Variants in GRM3 observed in about 807,000 individuals in gnomAD.
GRM3 encodes the protein glutamate metabotropic receptor 3, also known as metabotropic glutamate receptor 3.
GRM3 carries 26 observed loss-of-function variants against 70.5 expected under a neutral mutation model. That is an observed-to-expected ratio of 0.37 (90% CI 0.27 to 0.51). The LOEUF (loss-of-function observed/expected upper bound fraction) is 0.51, where lower values mean the gene tolerates loss of function less well. Ranked by LOEUF, GRM3 falls within the 20% of genes least tolerant of loss-of-function variation. GRM3 has a pLI of 0.93. For synonymous variants in GRM3, 443 were observed against 434.9 expected, an observed-to-expected ratio of 1.02 and a Z score of -0.23; for missense variants, 859 against 1,123.8, an observed-to-expected ratio of 0.76 and a Z score of 3.37.
chr7:86,707,497 G>T (rs1795086742), intron 1 of GRM3, among the ~76,000 whole-genome samples: 1 of 151,976 alleles, frequency 6.6e-6, no homozygotes, highest in Admixed American at 6.6e-5. Context: ...TCTACTCCTG[G>T]CTCTGGGACC....
intron 3 of GRM3, among the ~76,000 whole-genome samples, chr7:86,810,614 G>A (rs545929814): frequency 6.6e-6 from 1 of 151,956 alleles, no homozygotes; most frequent in East Asian, 1.9e-4. Flanking sequence ...GCTTTGCATA[G>A]AGGTAACTCC....
At chr7:86,807,696 G>A (rs184238588) in intron 3 of GRM3, among the ~76,000 whole-genome samples, 2 of 152,158 alleles carry the variant, frequency 1.3e-5, no homozygotes, top group Admixed American at 6.5e-5. Context: ...TGCAAACAGG[G>A]ACAATTTGAC....
At chr7:86,859,084 T>A (rs1798905907) in intron 5 of GRM3, among the ~76,000 whole-genome samples, 1 of 152,108 alleles carries the variant, frequency 6.6e-6, no homozygotes, top group African/African-American at 2.4e-5. Context: ...TCGGCTCAAG[T>A]CATCCTGCGA....
intron 5 of GRM3, among the ~76,000 whole-genome samples, chr7:86,861,608 A>G (rs1180872213): frequency 6.6e-6 from 1 of 152,200 alleles, no homozygotes. Flanking sequence ...ATCAGAGGGA[A>G]GAACATTCCT....
intron 3 of GRM3, among the ~76,000 whole-genome samples, chr7:86,787,385 C>A (rs1797282987): frequency 6.6e-6 from 1 of 152,158 alleles, no homozygotes; most frequent in South Asian, 2.1e-4. Context: ...TAGATTAGGG[C>A]CAGGCTAGAT....
chr7:86,858,052 G>T (rs531269262), intron 5 of GRM3, among the ~76,000 whole-genome samples: 2 of 151,992 alleles, frequency 1.3e-5, no homozygotes, highest in Non-Finnish European at 2.9e-5. Context: ...TGCTTCCTGG[G>T]TTTACACCAT....
At chr7:86,739,480 T>C (rs143900992) in intron 1 of GRM3, among the ~76,000 whole-genome samples, 2 of 152,300 alleles carry the variant, frequency 1.3e-5, no homozygotes, top group Admixed American at 1.3e-4. Context: ...TAAAAACTTG[T>C]TACTTTTGGA....
chr7:86,654,315 C>T (rs1407349309), intron 1 of GRM3, among the ~76,000 whole-genome samples: 1 of 152,188 alleles, frequency 6.6e-6, no homozygotes, highest in Non-Finnish European at 1.5e-5. Context: ...AAACAGAGCA[C>T]ACCCCCACTC....
intron 1 of GRM3, among the ~76,000 whole-genome samples, chr7:86,674,603 T>G (rs1395942208): frequency 6.6e-6 from 1 of 152,144 alleles, no homozygotes; most frequent in Non-Finnish European, 1.5e-5. Context: ...ATAAATCTAT[T>G]AATGTCATAT....
At chr7:86,816,910 A>ATCT in intron 3 of GRM3, among the ~76,000 whole-genome samples, 1 of 150,260 alleles carries the variant, frequency 6.7e-6, no homozygotes, top group African/African-American at 2.5e-5. Flanking sequence ...AACTGACAGG[A>ATCT]AATAGATTAA....
intron 1 of GRM3, among the ~76,000 whole-genome samples, chr7:86,681,598 T>C (rs1485163879): frequency 2.6e-5 from 4 of 152,110 alleles, no homozygotes; most frequent in Non-Finnish European, 5.9e-5. Flanking sequence ...GTGGAATTCA[T>C]GCCAACAGCA....
chr7:86,706,405 G>A (rs1212785033), intron 1 of GRM3, among the ~76,000 whole-genome samples: 2 of 152,026 alleles, frequency 1.3e-5, no homozygotes, highest in African/African-American at 4.8e-5. Flanking sequence ...AGAACAGAGA[G>A]GATAGACACA....
intron 3 of GRM3, among the ~76,000 whole-genome samples, chr7:86,788,376 A>G (rs918464590): frequency 6.6e-6 from 1 of 152,294 alleles, no homozygotes. Context: ...AAAAATCACC[A>G]CACTGCATGT....
At chr7:86,857,249 T>A (rs371574944) in intron 5 of GRM3, among the ~76,000 whole-genome samples, 1 of 151,972 alleles carries the variant, frequency 6.6e-6, no homozygotes, top group Non-Finnish European at 1.5e-5. Context: ...TGGAGTCCCA[T>A]AATGACACTA....
chr7:86,757,580 G>A (rs1229259503), intron 1 of GRM3, among the ~76,000 whole-genome samples: 2 of 152,120 alleles, frequency 1.3e-5, no homozygotes, highest in Non-Finnish European at 2.9e-5. Flanking sequence ...CTCACCCTGT[G>A]GATGACCACT....
At chr7:86,673,445 A>G (rs1794224124) in intron 1 of GRM3, among the ~76,000 whole-genome samples, 2 of 151,994 alleles carry the variant, frequency 1.3e-5, no homozygotes, top group Admixed American at 6.6e-5. Context: ...TTTCCTATCT[A>G]ATGCCTAAAA....
intron 1 of GRM3, among the ~76,000 whole-genome samples, chr7:86,669,325 C>T: frequency 6.6e-6 from 1 of 152,162 alleles, no homozygotes; most frequent in East Asian, 1.9e-4. Context: ...AGAAACACTA[C>T]ACTAAGAACT....
At chr7:86,777,678 A>G (rs1465603712) in intron 2 of GRM3, among the ~76,000 whole-genome samples, 4 of 152,210 alleles carry the variant, frequency 2.6e-5, no homozygotes, top group Non-Finnish European at 4.4e-5. Flanking sequence ...TGGCCAAAAC[A>G]AAACAAAACA....
Position 86,864,558 on chromosome 7 carries a change from C to A in GRM3, c.*203C>A, listed in dbSNP as rs533537441. ...TCTAGTGCCCCTATTATTAACAATT[C>A]CCCCAGAACATGGAAATAACCATTG... On this transcript the variant is annotated 3_prime_UTR_variant, in exon 6 of 6. Transcript: ENST00000361669. 8 of 490,594 alleles carry A rather than the reference C, an allele frequency of 1.6e-5. No individual in the cohort carries two copies. The East Asian group carries it at 2.4e-4, about 15-fold the overall frequency. 30.4% of individuals were successfully genotyped at this position (490,594 alleles called of 1,614,324 possible).
Sources: allele counts gnomAD v4.1 joint callset (sites outside exome capture counted in the v4.1 genomes callset), GRCh38; gene constraint gnomAD v4.1.1; transcripts MANE v1.5; gene names NCBI Gene and HGNC (gene_info 2026-07-23, HGNC 2026-07-21).